The following COL5A2 variants were observed in gnomAD, a reference collection of about 807,000 sequenced individuals.
The protein encoded by COL5A2 is collagen alpha-2(V) chain.
Under a neutral mutation model 208.2 loss-of-function variants are expected in COL5A2, and 23 were observed. That is an observed-to-expected ratio of 0.11 (90% CI 0.08 to 0.16). The LOEUF (loss-of-function observed/expected upper bound fraction) is 0.16, where lower values mean the gene tolerates loss of function less well. Among genes scored for constraint, COL5A2 ranks in the 10% least tolerant of loss-of-function variants. COL5A2 has a pLI of 1.00. For missense variants in COL5A2, 1,590 were observed against 1,956.4 expected, an observed-to-expected ratio of 0.81 and a Z score of 3.53; for synonymous variants, 625 against 628.5, an observed-to-expected ratio of 0.99 and a Z score of 0.08.
intron 1 of COL5A2, among the ~76,000 whole-genome samples, chr2:189,179,245 C>G (rs1343289013): frequency 6.6e-6 from 1 of 152,196 alleles, no homozygotes. Flanking sequence ...AAACGTCCCA[C>G]TCTCACACTC....
chr2:189,087,579 A>G (rs1381961972), intron 8 of COL5A2, among the ~76,000 whole-genome samples: 1 of 151,048 alleles, frequency 6.6e-6, no homozygotes, highest in Non-Finnish European at 1.5e-5. Context: ...CAGCCTCCCA[A>G]GTAGCTGGGA....
At position 189,051,469 on chromosome 2, in the gene COL5A2, G is replaced by A. The variant is rs1189019903; in HGVS notation, c.2782C>T (p.Pro928Ser). 1.2e-6 allele frequency: 2 copies of A among 1,607,584 alleles called. No homozygotes were observed. Among genetic ancestry groups the A allele is most frequent in the African/African-American group, 2.7e-5 (2 of 74,506 alleles). The stretch of plus-strand genomic sequence containing the variant: ...CCGGGTTCCCCTAGGGGTCCCGCAG[G>A]TCCTGGAGCTCCCTAGTATAACAAA... The part of the protein sequence containing the change: ...GPPGPAGAPG[P>S]AGPLGEPGKE... Residue 928 changes from proline (P) to serine (S), a missense_variant, in exon 42 of 54, where the codon CCT (proline) becomes TCT (serine). By Grantham distance (74) the Pro-to-Ser change is moderately conservative (BLOSUM62 -1). Coordinates refer to ENST00000374866, the MANE Select transcript of COL5A2 (RefSeq NM_000393.5).
intron 1 of COL5A2, among the ~76,000 whole-genome samples, chr2:189,125,449 A>T (rs1406512183): frequency 6.6e-6 from 1 of 152,092 alleles, no homozygotes; most frequent in Non-Finnish European, 1.5e-5. Context: ...ACAGGTTTGA[A>T]CTGCATGGGT....
intron 1 of COL5A2, among the ~76,000 whole-genome samples, chr2:189,138,149 A>AT (rs1215893664): frequency 1.3e-5 from 2 of 151,748 alleles, no homozygotes; most frequent in African/African-American, 4.8e-5. Flanking sequence ...TAATTTTTGT[A>AT]TTTTTTAGTA....
chr2:189,047,348 G>A (rs1685692147), intron 45 of COL5A2, among the ~76,000 whole-genome samples: 1 of 152,146 alleles, frequency 6.6e-6, no homozygotes, highest in African/African-American at 2.4e-5. Context: ...AGAATTTGCA[G>A]TCTGTGGATT....
the COL5A2 span, among the ~76,000 whole-genome samples, chr2:189,361,240 A>G: frequency 2.0e-5 from 3 of 152,020 alleles, no homozygotes; most frequent in African/African-American, 7.2e-5. Flanking sequence ...GTTGCAGTCA[A>G]TCTCTCCTTT....
At chr2:189,237,789 A>C in the COL5A2 span, among the ~76,000 whole-genome samples, 1 of 151,906 alleles carries the variant, frequency 6.6e-6, no homozygotes, top group African/African-American at 2.4e-5. Context: ...GAAATTTATG[A>C]AACTCAAAAA....
At chr2:189,267,349 A>G in the COL5A2 span, among the ~76,000 whole-genome samples, 5 of 152,154 alleles carry the variant, frequency 3.3e-5, no homozygotes, top group African/African-American at 1.2e-4. Context: ...TTATAGTGTA[A>G]TATGTAGTAC....
chr2:189,359,874 T>C, the COL5A2 span, among the ~76,000 whole-genome samples: 1 of 152,182 alleles, frequency 6.6e-6, no homozygotes, highest in African/African-American at 2.4e-5. Context: ...CATAGTAGTC[T>C]CTAATAATCC....
At chr2:189,347,236 G>C in the COL5A2 span, among the ~76,000 whole-genome samples, 1 of 152,116 alleles carries the variant, frequency 6.6e-6, no homozygotes, top group African/African-American at 2.4e-5. Flanking sequence ...TTGCATTGTA[G>C]TTAATAGCAC....
intron 26 of COL5A2, 72 bp from the exon 27 acceptor site, chr2:189,063,342 C>T (rs1299149050): frequency 4.2e-6 from 5 of 1,197,676 alleles, no homozygotes; most frequent in Non-Finnish European, 6.2e-6. Context: ...CAAAGTGTCA[C>T]CTTTGCTTAC....
At chr2:189,435,205 C>T in the COL5A2 span, among the ~76,000 whole-genome samples, 10 of 152,274 alleles carry the variant, frequency 6.6e-5, no homozygotes, top group South Asian at 1.9e-3. Context: ...AAATGTTAGA[C>T]CTAAAACCAT....
At chr2:189,040,402 G>A (rs1220317213) in intron 50 of COL5A2, among the ~76,000 whole-genome samples, 2 of 148,842 alleles carry the variant, frequency 1.3e-5, no homozygotes, top group African/African-American at 5.0e-5. Context: ...AAAAGTGGCA[G>A]AGACTACGAA....
At chr2:189,136,522 A>ATT (rs1553520497) in intron 1 of COL5A2, among the ~76,000 whole-genome samples, 1 of 149,462 alleles carries the variant, frequency 6.7e-6, no homozygotes, top group Non-Finnish European at 1.5e-5. Flanking sequence ...ATAAATATAT[A>ATT]TGTATATAAA....
At chr2:189,331,649 T>G in the COL5A2 span, among the ~76,000 whole-genome samples, 4 of 152,128 alleles carry the variant, frequency 2.6e-5, no homozygotes, top group Non-Finnish European at 5.9e-5. Flanking sequence ...TCCCCAGCCA[T>G]GTGGAACTAT....
chr2:189,257,209 C>T, the COL5A2 span, among the ~76,000 whole-genome samples: 2 of 152,208 alleles, frequency 1.3e-5, no homozygotes, highest in Non-Finnish European at 2.9e-5. Context: ...ATTTACCCCA[C>T]ATTACTTGCC....
chr2:189,369,059 T>C, the COL5A2 span, among the ~76,000 whole-genome samples: 2 of 152,160 alleles, frequency 1.3e-5, no homozygotes, highest in Non-Finnish European at 2.9e-5. Context: ...ACACTAAATG[T>C]TTGTTTTGTC....
At chr2:189,434,127 C>T in the COL5A2 span, among the ~76,000 whole-genome samples, 41 of 151,732 alleles carry the variant, frequency 2.7e-4, 1 homozygote, top group South Asian at 6.8e-3. Context: ...AAAAATTCAA[C>T]AGCCCTTCAT....
At position 189,080,928 on chromosome 2, in the gene COL5A2, T is replaced by G. The variant is rs57206096; in HGVS notation, c.906+62A>C. On this transcript the variant is annotated intron_variant, in intron 13 of 53. Coordinates refer to ENST00000374866, the MANE Select transcript of COL5A2 (RefSeq NM_000393.5). ...GACTTGTAAAGATTTTGAAGGTAAATCTCCCCAGAGCCTGTTCACTAAACC... is the reference window on the plus strand; with the variant it reads ...GACTTGTAAAGATTTTGAAGGTAAAGCTCCCCAGAGCCTGTTCACTAAACC... The G allele has an allele frequency of 0.15, 195,974 of 1,347,564 alleles. 14,868 individuals are homozygous for G. The highest frequency in any genetic ancestry group is 0.24 in the Middle Eastern group (1,344 of 5,520). 83.5% of individuals were successfully genotyped at this position (1,347,564 alleles called of 1,614,324 possible).
Sources: gnomAD v4.1 joint callset for allele counts (sites outside exome capture counted in the v4.1 genomes callset) on GRCh38, gnomAD v4.1.1 for gene constraint, MANE v1.5 for transcripts, NCBI Gene and HGNC (gene_info 2026-07-23, HGNC 2026-07-21) for gene names.